FBN2: variants seen among roughly 807,000 people sequenced by gnomAD.
FBN2 encodes fibrillin-2.
A neutral mutation model predicts 355.6 loss-of-function variants in FBN2; 105 were observed. That is an observed-to-expected ratio of 0.30 (90% CI 0.25 to 0.35). The LOEUF (loss-of-function observed/expected upper bound fraction) is 0.35. Ranked by LOEUF, FBN2 falls within the 10% of genes least tolerant of loss-of-function variation. FBN2 has a pLI of 1.00. For missense variants in FBN2, 3,280 were observed against 3,758.7 expected, an observed-to-expected ratio of 0.87 and a Z score of 3.33; for synonymous variants, 1,350 against 1,301.2, an observed-to-expected ratio of 1.04 and a Z score of -0.81.
At chr5:128,381,380 C>A (rs762275188) in intron 11 of FBN2, among the ~76,000 whole-genome samples, 1 of 152,048 alleles carries the variant, frequency 6.6e-6, no homozygotes, top group Non-Finnish European at 1.5e-5. Context: ...AGTTATACTG[C>A]TTCATTAGGT....
intron 7 of FBN2, among the ~76,000 whole-genome samples, chr5:128,428,879 A>G (rs1414178442): frequency 6.6e-6 from 1 of 152,088 alleles, no homozygotes; most frequent in Non-Finnish European, 1.5e-5. Context: ...GAATCCTCCT[A>G]ATCCTAAGGT....
Position 128,344,432 on chromosome 5 carries a change from C to G in FBN2, c.3296G>C (p.Arg1099Pro). Residue 1099 changes from arginine (R) to proline (P), a missense_variant, in exon 25 of 65, where the codon CGT becomes CCT. This residue lies in a region of FBN2 where 2,284 missense variants were observed against 2,749.5 expected (regional missense o/e 0.83). Transcript: ENST00000262464. The part of the protein sequence containing the change: ...CRNTIGSFKC[R>P]CNSGFALDME... ...GTCTAGAGCAAAGCCACTATTGCAA[C>G]GGCATTTGAAGCTTCCGATTGTATT... is the stretch of plus-strand genomic sequence containing the variant. The G allele has an allele frequency of 6.2e-7, 1 of 1,613,658 alleles. No individual in the cohort carries two copies. Among genetic ancestry groups the G allele is most frequent in the Non-Finnish European group, 8.5e-7 (1 of 1,179,580 alleles).
At chr5:128,362,587 A>C (rs1474799647) in intron 18 of FBN2, among the ~76,000 whole-genome samples, 3 of 152,184 alleles carry the variant, frequency 2.0e-5, no homozygotes, top group Non-Finnish European at 2.9e-5. Context: ...CAGCCTTCCA[A>C]AAGTAGCTAA....
chr5:128,273,773 C>T, intron 61 of FBN2, 67 bp downstream of exon 61: 3 of 1,511,134 alleles, frequency 2.0e-6, no homozygotes, highest in Non-Finnish European at 2.8e-6. Context: ...ACCAATTTGT[C>T]TTGGAAGTTA....
At chr5:128,508,389 T>C (rs183082724) in intron 5 of FBN2, among the ~76,000 whole-genome samples, 35 of 152,076 alleles carry the variant, frequency 2.3e-4, no homozygotes, top group Admixed American at 1.8e-3. Context: ...TTTATCACCT[T>C]TTGTTGGCTT....
chr5:128,333,839 TCACACACACACACACACA>T (rs368334500), intron 31 of FBN2, among the ~76,000 whole-genome samples: 1 of 122,852 alleles, frequency 8.1e-6, no homozygotes, highest in Non-Finnish European at 1.7e-5. Context: ...GATGCTGAAA[TCACACACACACACACACA>T]CACACACACA....
At chr5:128,387,332 GT>G (rs2126970927) in intron 11 of FBN2, among the ~76,000 whole-genome samples, 1 of 152,082 alleles carries the variant, frequency 6.6e-6, no homozygotes, top group African/African-American at 2.4e-5. Context: ...TTCAGTTTGT[GT>G]TTATTTCCGT....
intron 32 of FBN2, among the ~76,000 whole-genome samples, chr5:128,331,793 G>A (rs549520464): frequency 6.6e-6 from 1 of 152,308 alleles, no homozygotes; most frequent in East Asian, 1.9e-4. Flanking sequence ...GAGCACAGGA[G>A]GCTGGACACA....
intron 11 of FBN2, among the ~76,000 whole-genome samples, chr5:128,390,373 C>CTT (rs545612145): frequency 2.7e-5 from 4 of 146,288 alleles, no homozygotes; most frequent in African/African-American, 1.0e-4. Flanking sequence ...ATGCTATTTA[C>CTT]TTTTTTTTTT....
At chr5:128,337,146 G>A (rs906911989) in intron 27 of FBN2, among the ~76,000 whole-genome samples, 2 of 152,020 alleles carry the variant, frequency 1.3e-5, no homozygotes, top group Non-Finnish European at 2.9e-5. Context: ...CTTTTGTACC[G>A]CTATTAAAAT....
chr5:128,538,063 A>T lies in FBN2; in HGVS notation c.-460T>A. On this transcript the variant is annotated 5_prime_UTR_variant, in exon 1 of 65. Transcript: ENST00000262464. ...GAAAGCTGCAAAAGTCACCAGAAAG[A>T]AACAGGCAAGCAAACAAAAGTCGCC... is the stretch of plus-strand genomic sequence containing the variant. 1 of 171,376 alleles carries T rather than the reference A, an allele frequency of 5.8e-6. No homozygotes were observed. The highest frequency in any genetic ancestry group is 1.7e-4 in the South Asian group (1 of 6,006). 10.6% of individuals were successfully genotyped at this position (171,376 alleles called of 1,614,324 possible). A position where few individuals can be genotyped will look rare whatever the true frequency, so the allele number is the denominator to read the frequency against.
rs377305909 is a variant in FBN2, at chr5:128,290,712, G to A, written c.6445+20C>T. 6 of 1,613,232 alleles carry A rather than the reference G, an allele frequency of 3.7e-6. No homozygotes were observed. The African/African-American group carries it at 4.0e-5, about 11-fold the overall frequency. On this transcript the variant is annotated intron_variant, in intron 50 of 64. Coordinates refer to ENST00000262464, the MANE Select transcript of FBN2 (RefSeq NM_001999.4). ...AAAACTGGTACACAAAGTGCTGTCT[G>A]ATGATGTCATTGCTCTTACCTTCAT... is the stretch of plus-strand genomic sequence containing the variant.
chr5:128,523,310 C>G (rs533880657), intron 4 of FBN2, among the ~76,000 whole-genome samples: 2 of 152,154 alleles, frequency 1.3e-5, no homozygotes, highest in East Asian at 3.9e-4. Context: ...TGCCTTCTTC[C>G]TTCGTTTTCT....
chr5:128,297,665 CTTTT>C (rs1195181115), intron 48 of FBN2, among the ~76,000 whole-genome samples: 2 of 152,100 alleles, frequency 1.3e-5, no homozygotes, highest in African/African-American at 4.8e-5. Context: ...CAACCCCTGC[CTTTT>C]TTTGTTTTCC....
At position 128,259,673 on chromosome 5, in the gene FBN2, C is replaced by T. The variant is rs779172018; in HGVS notation, c.8521G>A (p.Asp2841Asn). Residue 2841 changes from aspartate (D) to asparagine (N), a missense_variant, in exon 65 of 65, where the codon GAT becomes AAT. Asp to Asn is a conservative substitution (Grantham distance 23, BLOSUM62 1). Transcript: ENST00000262464. ...HIRYVISQGNDDSVFRIHQRN... is the reference protein window; with the variant it reads ...HIRYVISQGNNDSVFRIHQRN... ...TGGTGGATGCGGAAGACGCTGTCAT[C>T]GTTCCCTTGAGAGATGACATAACGG... 17 of 1,613,870 alleles carry T rather than the reference C, an allele frequency of 1.1e-5. No individual in the cohort carries two copies. Among genetic ancestry groups the T allele is most frequent in the Admixed American group, 5.0e-5 (3 of 59,966 alleles).
chr5:128,524,662 T>A (rs570339008), intron 4 of FBN2, among the ~76,000 whole-genome samples: 1 of 152,252 alleles, frequency 6.6e-6, no homozygotes, highest in African/African-American at 2.4e-5. Context: ...CTCTCAGTAT[T>A]GTAACACTCT....
intron 62 of FBN2, among the ~76,000 whole-genome samples, chr5:128,268,332 C>T (rs552281952): frequency 1.7e-4 from 26 of 152,160 alleles, no homozygotes; most frequent in African/African-American, 6.0e-4. Context: ...AGGAAGAAGT[C>T]GAATCCCTGA....
chr5:128,358,380 T>C (rs955639536), intron 19 of FBN2, among the ~76,000 whole-genome samples: 1 of 152,124 alleles, frequency 6.6e-6, no homozygotes, highest in African/African-American at 2.4e-5. Context: ...ACACTGGGGT[T>C]TCTAGGTTCA....
chr5:128,446,636 T>C lies in FBN2; in HGVS notation c.827-30A>G, dbSNP rs756794748. ...AAGAAGAAAACATTTTGAACACAGA[T>C]GACACTGGTTTTCAGAATATCTATA... On this transcript the variant is annotated intron_variant, in intron 6 of 64. Transcript: ENST00000262464. 1.1e-5 allele frequency: 17 copies of C among 1,610,852 alleles called. No homozygotes were observed. In the South Asian group the frequency reaches 1.6e-4, roughly 16 times the overall value.
Sources: gnomAD v4.1 joint callset for allele counts (sites outside exome capture counted in the v4.1 genomes callset) on GRCh38, gnomAD v4.1.1 for gene constraint, gnomAD v4.1.1 regional missense constraint, MANE v1.5 for transcripts, NCBI Gene and HGNC (gene_info 2026-07-23, HGNC 2026-07-21) for gene names.